The following DYNC1I1 variants were observed in gnomAD, a reference collection of about 807,000 sequenced individuals.
DYNC1I1 encodes the protein dynein cytoplasmic 1 intermediate chain 1.
A neutral mutation model predicts 86.6 loss-of-function variants in DYNC1I1; 43 were observed. The observed-to-expected ratio is 0.50, with a 90% CI of 0.39 to 0.64. The LOEUF (loss-of-function observed/expected upper bound fraction) is 0.64. Among genes scored for constraint, DYNC1I1 ranks in the 30% least tolerant of loss-of-function variants. The pLI is 0.00. For missense variants in DYNC1I1, 604 were observed against 788.8 expected, an observed-to-expected ratio of 0.77 and a Z score of 2.81; for synonymous variants, 262 against 283.7, an observed-to-expected ratio of 0.92 and a Z score of 0.77.
At chr7:96,074,193 A>T (rs189209961) in intron 14 of DYNC1I1, among the ~76,000 whole-genome samples, 1 of 152,348 alleles carries the variant, frequency 6.6e-6, no homozygotes, top group Admixed American at 6.5e-5. Context: ...TAAAAATAAG[A>T]CACATCTCAC....
At chr7:95,907,287 C>T (rs931974375) in intron 6 of DYNC1I1, among the ~76,000 whole-genome samples, 1 of 152,166 alleles carries the variant, frequency 6.6e-6, no homozygotes, top group Non-Finnish European at 1.5e-5. Context: ...TGTAAGTGAG[C>T]ACCTGAAAAT....
At chr7:96,101,481 C>T (rs565553959), downstream of DYNC1I1, among the ~76,000 whole-genome samples, 2 of 152,180 alleles carry the variant, frequency 1.3e-5, no homozygotes, top group African/African-American at 4.8e-5. Context: ...CCAGTCCTTC[C>T]CCAAAAGGAC....
intron 7 of DYNC1I1, among the ~76,000 whole-genome samples, chr7:95,982,702 C>G (rs1398155035): frequency 6.6e-6 from 1 of 152,064 alleles, no homozygotes; most frequent in East Asian, 1.9e-4. Context: ...TAACAGTGAC[C>G]AAGGCCAAGT....
intron 16 of DYNC1I1, among the ~76,000 whole-genome samples, chr7:96,093,835 T>C (rs550228038): frequency 1.3e-5 from 2 of 152,220 alleles, no homozygotes; most frequent in Admixed American, 6.6e-5. Flanking sequence ...TTATGATCTT[T>C]TTTCCTATCA....
chr7:95,840,176 G>A (rs1016738464), intron 5 of DYNC1I1, among the ~76,000 whole-genome samples: 4 of 151,904 alleles, frequency 2.6e-5, no homozygotes, highest in African/African-American at 7.3e-5. Context: ...GAGTTTTCTG[G>A]TTCTCCTTCT....
chr7:95,936,953 G>GTCTC (rs373159510), intron 6 of DYNC1I1, among the ~76,000 whole-genome samples: 22 of 118,370 alleles, frequency 1.9e-4, no homozygotes, highest in Non-Finnish European at 2.3e-4. Flanking sequence ...TAAAGAATAT[G>GTCTC]TCTCACACAC....
chr7:96,030,330 T>TTG (rs200496803), intron 11 of DYNC1I1, among the ~76,000 whole-genome samples: 29,008 of 135,066 alleles, frequency 0.21, 3,309 homozygotes, highest in African/African-American at 0.27. Flanking sequence ...AATGGTAGAG[T>TTG]TGTGTGTGTG....
At chr7:95,961,682 G>A (rs1392880434) in intron 6 of DYNC1I1, among the ~76,000 whole-genome samples, 1 of 152,176 alleles carries the variant, frequency 6.6e-6, no homozygotes, top group Non-Finnish European at 1.5e-5. Flanking sequence ...GGCACATATG[G>A]TAGAAAACAC....
intron 5 of DYNC1I1, among the ~76,000 whole-genome samples, chr7:95,834,727 C>A (rs1384935775): frequency 1.0e-5 from 1 of 100,180 alleles, no homozygotes; most frequent in Non-Finnish European, 1.9e-5. Flanking sequence ...GGAATTTATC[C>A]ATTTCTTCTA....
chr7:95,890,857 G>A (rs559557031), intron 6 of DYNC1I1, among the ~76,000 whole-genome samples: 1 of 152,132 alleles, frequency 6.6e-6, no homozygotes, highest in Non-Finnish European at 1.5e-5. Flanking sequence ...AATTCTTCCT[G>A]AACGTAGTTT....
chr7:95,895,857 A>G (rs1790869393), intron 6 of DYNC1I1, among the ~76,000 whole-genome samples: 1 of 152,216 alleles, frequency 6.6e-6, no homozygotes, highest in South Asian at 2.1e-4. Flanking sequence ...AGCTAATAGT[A>G]TCCTGTCTTA....
chr7:95,966,984 A>G (rs1793031684), intron 6 of DYNC1I1, among the ~76,000 whole-genome samples: 1 of 152,170 alleles, frequency 6.6e-6, no homozygotes, highest in Admixed American at 6.5e-5. Flanking sequence ...TCATGATCCA[A>G]CTGAAACATT....
At chr7:95,961,217 G>A (rs1792858764) in intron 6 of DYNC1I1, among the ~76,000 whole-genome samples, 2 of 152,266 alleles carry the variant, frequency 1.3e-5, no homozygotes, top group African/African-American at 4.8e-5. Context: ...ACCACAGCAT[G>A]GGTAGTGGAG....
At position 96,097,645 on chromosome 7, in the gene DYNC1I1, G is replaced by A. The variant is rs376031860; in HGVS notation, c.*52G>A. On this transcript the variant is annotated 3_prime_UTR_variant, in exon 17 of 17. Transcript: ENST00000447467. The stretch of plus-strand genomic sequence containing the variant: ...CCCCACCTTTGTGTCCTAGAGCTCA[G>A]CGTCTGCAGTCAAGTCTCTTGTATT... 2 of 1,607,864 alleles carry A rather than the reference G, an allele frequency of 1.2e-6. No homozygotes were observed. Among genetic ancestry groups the A allele is most frequent in the Non-Finnish European group, 1.7e-6 (2 of 1,176,642 alleles).
intron 6 of DYNC1I1, among the ~76,000 whole-genome samples, chr7:95,891,835 C>A (rs1390529936): frequency 6.6e-6 from 1 of 152,186 alleles, no homozygotes; most frequent in Non-Finnish European, 1.5e-5. Context: ...TATCCACCTT[C>A]TTCACGCATT....
At chr7:95,896,046 G>A (rs1790874917) in intron 6 of DYNC1I1, among the ~76,000 whole-genome samples, 1 of 152,208 alleles carries the variant, frequency 6.6e-6, no homozygotes, top group African/African-American at 2.4e-5. Context: ...AGTCTGTGAA[G>A]TGTTGGTGCT....
intron 5 of DYNC1I1, among the ~76,000 whole-genome samples, chr7:95,858,891 GT>G (rs1000035782): frequency 7.1e-6 from 1 of 139,942 alleles, no homozygotes; most frequent in African/African-American, 2.6e-5. Flanking sequence ...CCCTTACATT[GT>G]TTTTATATTT....
chr7:95,937,782 A>G (rs1792087777), intron 6 of DYNC1I1, among the ~76,000 whole-genome samples: 1 of 152,094 alleles, frequency 6.6e-6, no homozygotes, highest in African/African-American at 2.4e-5. Context: ...TATTACAATG[A>G]CAATCCATTT....
At chr7:96,002,037 T>G (rs1167257659) in intron 10 of DYNC1I1, among the ~76,000 whole-genome samples, 1 of 152,228 alleles carries the variant, frequency 6.6e-6, no homozygotes, top group Non-Finnish European at 1.5e-5. Flanking sequence ...TCACCTAACT[T>G]AGATTCATTC....
Sources: gnomAD v4.1 joint callset for allele counts (sites outside exome capture counted in the v4.1 genomes callset) on GRCh38, gnomAD v4.1.1 for gene constraint, MANE v1.5 for transcripts, NCBI Gene and HGNC (gene_info 2026-07-23, HGNC 2026-07-21) for gene names.